LGR6: variants seen among roughly 807,000 people sequenced by gnomAD.
LGR6 encodes leucine-rich repeat-containing G protein-coupled receptor 6.
LGR6 carries 45 observed loss-of-function variants against 69.4 expected under a neutral mutation model. The ratio of observed to expected loss-of-function variants is 0.65; its 90% CI spans 0.51 to 0.83. The LOEUF is 0.83. Among genes scored for constraint, LGR6 ranks in the 40% least tolerant of loss-of-function variants. The pLI, the probability that LGR6 is intolerant of heterozygous loss-of-function variation, is 0.00. For missense variants in LGR6, 1,108 were observed against 1,246.7 expected, an observed-to-expected ratio of 0.89 and a Z score of 1.68; for synonymous variants, 538 against 555.0, an observed-to-expected ratio of 0.97 and a Z score of 0.43.
intron 4 of LGR6, among the ~76,000 whole-genome samples, chr1:202,274,776 A>G (rs990335383): frequency 1.3e-5 from 2 of 152,208 alleles, no homozygotes; most frequent in Non-Finnish European, 2.9e-5. Flanking sequence ...CCACCACTGG[A>G]GAACCATGTC....
At chr1:202,298,307 G>T (rs1667310942) in intron 7 of LGR6, among the ~76,000 whole-genome samples, 1 of 152,188 alleles carries the variant, frequency 6.6e-6, no homozygotes, top group Admixed American at 6.5e-5. Flanking sequence ...GGCGACAGTG[G>T]TGGGGAAGGG....
At chr1:202,303,566 C>G (rs570688399) in intron 10 of LGR6, among the ~76,000 whole-genome samples, 1 of 152,340 alleles carries the variant, frequency 6.6e-6, no homozygotes, top group African/African-American at 2.4e-5. Context: ...TGGTCTTTCT[C>G]TCTTTACCAT....
At chr1:202,282,617 A>G (rs916277733) in intron 6 of LGR6, among the ~76,000 whole-genome samples, 3 of 152,178 alleles carry the variant, frequency 2.0e-5, no homozygotes, top group Non-Finnish European at 4.4e-5. Context: ...GTCCAATGCC[A>G]TGAACCCTGG....
chr1:202,280,381 G>C (rs1665909580), intron 5 of LGR6, among the ~76,000 whole-genome samples: 1 of 152,120 alleles, frequency 6.6e-6, no homozygotes. Context: ...GTGGTTTGCT[G>C]TTGGCTCCCA....
At chr1:202,225,891 A>AT (rs1660512116) in intron 2 of LGR6, among the ~76,000 whole-genome samples, 1 of 152,076 alleles carries the variant, frequency 6.6e-6, no homozygotes, top group Admixed American at 6.5e-5. Flanking sequence ...ACTGCCCCAG[A>AT]TGTCCCCTCA....
intron 4 of LGR6, chr1:202,236,310 C>G (rs570129881): frequency 2.4e-5 from 9 of 377,756 alleles, no homozygotes; most frequent in Non-Finnish European, 4.3e-5. Context: ...GCCATTGGAG[C>G]CTGGGTTTAG....
chr1:202,237,622 T>G (rs1661692872), intron 4 of LGR6, among the ~76,000 whole-genome samples: 1 of 152,210 alleles, frequency 6.6e-6, no homozygotes, highest in Non-Finnish European at 1.5e-5. Flanking sequence ...CAGACAATTT[T>G]CCCTACACTT....
intron 4 of LGR6, among the ~76,000 whole-genome samples, chr1:202,252,316 GC>G (rs1663331063): frequency 6.6e-6 from 1 of 151,972 alleles, no homozygotes; most frequent in African/African-American, 2.4e-5. Context: ...TGACTATACT[GC>G]CTGCATCAAT....
At chr1:202,259,536 G>T (rs1382522061) in intron 4 of LGR6, among the ~76,000 whole-genome samples, 1 of 152,028 alleles carries the variant, frequency 6.6e-6, no homozygotes, top group Non-Finnish European at 1.5e-5. Flanking sequence ...TTTTCCATCT[G>T]TGCTAATATA....
chr1:202,304,492 G>T lies in LGR6; in HGVS notation c.999-67G>T, dbSNP rs557706157. On this transcript the variant is annotated intron_variant, in intron 10 of 17. Transcript: ENST00000367278. ...CACGACAGTATCAGGTCCAGAGCTG[G>T]AGCGGGGTGGCTGGGAATGGCAGGG... The T allele has an allele frequency of 6.9e-6, 8 of 1,166,672 alleles. No homozygotes were observed. The South Asian group carries it at 1.1e-4, about 16-fold the overall frequency. The allele number at this position is 1,166,672 out of a possible 1,614,324, so 72.3% of individuals were successfully genotyped here. A position where few individuals can be genotyped will look rare whatever the true frequency, so the allele number is the denominator to read the frequency against.
Position 202,318,848 on chromosome 1 carries a change from G to A in LGR6, c.2545G>A (p.Gly849Arg). The part of the protein sequence containing the change: ...RRLRPRAGDS[G>R]PLAYAAAGEL... ...GCTTCGGCCCCGCGCAGGGGACTCA[G>A]GGCCCCTAGCCTATGCTGCGGCCGG... Residue 849 changes from glycine (G) to arginine (R), a missense_variant, in exon 18 of 18, where the codon GGG becomes AGG. Transcript: ENST00000367278. The A allele has an allele frequency of 1.2e-6, 2 of 1,613,494 alleles. No individual in the cohort carries two copies. The highest frequency in any genetic ancestry group is 1.7e-6 in the Non-Finnish European group (2 of 1,179,794).
chr1:202,285,139 T>C (rs1666303855), intron 6 of LGR6, among the ~76,000 whole-genome samples: 1 of 152,256 alleles, frequency 6.6e-6, no homozygotes, highest in South Asian at 2.1e-4. Context: ...CCTCTGGTGA[T>C]GGATGCTCTG....
intron 6 of LGR6, among the ~76,000 whole-genome samples, chr1:202,288,834 C>A (rs2148212305): frequency 6.6e-6 from 1 of 152,306 alleles, no homozygotes; most frequent in Admixed American, 6.5e-5. Flanking sequence ...ACCAACAGGT[C>A]CAAGTCTCTG....
rs751655811 is a variant in LGR6 at position 202,297,582 on chromosome 1, C to G, written c.785+6C>G. On this transcript the variant is annotated splice_donor_region_variant and intron_variant, in intron 7 of 17. Coordinates refer to ENST00000367278, the MANE Select transcript of LGR6 (RefSeq NM_001017403.2). ...CTGGGCAGACTGCAGGAACTGTAAG[C>G]GCCTCTTTTGGTTTCTGTGGGTGTC... 6.2e-7 allele frequency: 1 copy of G among 1,612,930 alleles called. No homozygotes were observed. The highest frequency in any genetic ancestry group is 8.5e-7 in the Non-Finnish European group (1 of 1,179,320).
Position 202,301,167 on chromosome 1 carries a change from C to A in LGR6, c.861C>A (p.His287Gln). 6.2e-7 allele frequency: 1 copy of A among 1,614,182 alleles called. No individual in the cohort carries two copies. Among genetic ancestry groups the A allele is most frequent in the South Asian group, 1.1e-5 (1 of 91,086 alleles). The change falls in exon 9 of 18, where the codon CAC becomes CAA. Residue 287 changes from histidine to glutamine, a missense_variant. His to Gln is a conservative substitution (Grantham distance 24). Coordinates refer to ENST00000367278, the MANE Select transcript of LGR6 (RefSeq NM_001017403.2). ...FMGNPLLQTI[H>Q]FYDNPIQFVG... ...TGTTTGGACCTTCTTCTTCCAGACA[C>A]TTTTATGATAACCCAATCCAGTTTG...
chr1:202,251,095 A>G (rs1490536562), intron 4 of LGR6, among the ~76,000 whole-genome samples: 2 of 152,150 alleles, frequency 1.3e-5, no homozygotes, highest in East Asian at 1.9e-4. Flanking sequence ...AAGCTACCCA[A>G]GGGGTTTAAA....
intron 1 of LGR6, among the ~76,000 whole-genome samples, chr1:202,196,369 G>A (rs1236362815): frequency 2.0e-5 from 3 of 152,202 alleles, no homozygotes; most frequent in Non-Finnish European, 4.4e-5. Flanking sequence ...GCATGCAGAA[G>A]AGCCAGGGTG....
At chr1:202,238,316 G>C (rs1292204083) in intron 4 of LGR6, among the ~76,000 whole-genome samples, 1 of 151,396 alleles carries the variant, frequency 6.6e-6, no homozygotes, top group Non-Finnish European at 1.5e-5. Context: ...TGTCCAGGCT[G>C]GTCTCGAACT....
intron 12 of LGR6, among the ~76,000 whole-genome samples, chr1:202,305,974 C>T (rs1653146973): frequency 1.3e-5 from 2 of 152,158 alleles, no homozygotes; most frequent in African/African-American, 4.8e-5. Context: ...GAGCTGGTGC[C>T]CAAAAGGAGT....
Sources: allele counts gnomAD v4.1 joint callset (sites outside exome capture counted in the v4.1 genomes callset), GRCh38; gene constraint gnomAD v4.1.1; transcripts MANE v1.5; gene names NCBI Gene and HGNC (gene_info 2026-07-23, HGNC 2026-07-21).